FMO4: variants seen among roughly 807,000 people sequenced by gnomAD.
The protein encoded by FMO4 is dimethylaniline monooxygenase [N-oxide-forming] 4.
In FMO4, 38 loss-of-function variants were observed where a neutral mutation model predicts 43.3. The observed-to-expected ratio is 0.88, with a 90% confidence interval of 0.68 to 1.15. The LOEUF (loss-of-function observed/expected upper bound fraction) is 1.15. FMO4 is among the 50% of genes most tolerant of loss of function. The pLI, the probability that FMO4 is intolerant of heterozygous loss-of-function variation, is 0.00. For synonymous variants in FMO4, 224 were observed against 232.2 expected, an observed-to-expected ratio of 0.96 and a Z score of 0.32; for missense variants, 631 against 663.3, an observed-to-expected ratio of 0.95 and a Z score of 0.54.
chr1:171,334,639 C>T lies in FMO4; in HGVS notation c.1056C>T (p.Tyr352=), dbSNP rs751078575. ...KSLCTKKIFL[Y]KQVFPLNLER... ...TCTGTACAAAGAAGATATTTCTATACAAGCAAGTCTTTCCCTTAAACCTAG... is the reference window on the plus strand; with the variant it reads ...TCTGTACAAAGAAGATATTTCTATATAAGCAAGTCTTTCCCTTAAACCTAG... Residue 352 remains tyrosine, a synonymous_variant, in exon 8 of 10, where the codon TAC becomes TAT. Transcript: ENST00000367749. 8 of 1,613,142 alleles carry T rather than the reference C, an allele frequency of 5.0e-6. No individual in the cohort carries two copies. The South Asian group carries it at 7.7e-5, about 16-fold the overall frequency.
In FMO4 at chr1:171,332,690, G is replaced by A; in HGVS notation, c.628-19G>A. 1 of 1,592,580 alleles carries A rather than the reference G, an allele frequency of 6.3e-7. No homozygotes were observed. Among genetic ancestry groups the A allele is most frequent in the Non-Finnish European group, 8.6e-7 (1 of 1,163,102 alleles). On this transcript the variant is annotated intron_variant, in intron 6 of 9. Coordinates refer to ENST00000367749, the MANE Select transcript of FMO4 (RefSeq NM_002022.3). The stretch of plus-strand genomic sequence containing the variant: ...TGATGAACATTTATTTATCCTTCTT[G>A]CCTTACTTTACTTTTTAGGTACTTC...
rs538568056 is a variant in FMO4, at chr1:171,331,640, G to A, written c.485G>A (p.Gly162Glu). ...NPHLPLEAFP[G>E]IHKFKGQILH... The stretch of plus-strand genomic sequence containing the variant: ...CTTTCTGATCCTTCACTCCTCTCAG[G>A]AATTCATAAGTTTAAAGGTCAGATC... The change falls in exon 6 of 10, where the codon GGA becomes GAA. Residue 162 changes from glycine (G) to glutamate (E), a missense_variant and splice_region_variant. Coordinates refer to ENST00000367749, the MANE Select transcript of FMO4 (RefSeq NM_002022.3). 2.2e-5 allele frequency: 36 copies of A among 1,613,584 alleles called. No homozygotes were observed. Among genetic ancestry groups the A allele is most frequent in the South Asian group, 2.2e-4 (20 of 91,022 alleles).
In FMO4 at chr1:171,317,772, G is replaced by A. The variant is rs188050304; in HGVS notation, c.-9+1445G>A. Among the ~76,000 whole-genome samples the A allele has an allele frequency of 1.5e-4, 23 of 152,206 alleles. 1 individual carries two copies. The highest frequency in any genetic ancestry group is 6.8e-3 in the Middle Eastern group (2 of 294). ...GGTCAGTCTTGCCTCTGCAAGCTAA[G>A]AACCTCCCCTCAACCCATGTAATAT... On this transcript the variant is annotated intron_variant, in intron 2 of 9. Transcript: ENST00000367749.
intron 2 of FMO4, 140 bp downstream of exon 2, chr1:171,316,467 CTTT>C (rs1662206992): frequency 6.6e-6 from 1 of 152,278 alleles, no homozygotes; most frequent in South Asian, 2.1e-4. Flanking sequence ...GTGCAAGGCA[CTTT>C]TTTGTGTAAG....
intron 9 of FMO4, among the ~76,000 whole-genome samples, chr1:171,339,082 C>T (rs1397110951): frequency 6.6e-6 from 1 of 152,074 alleles, no homozygotes; most frequent in Non-Finnish European, 1.5e-5. Flanking sequence ...TGAATAATGC[C>T]TTCATATTAA....
At chr1:171,322,940 ATGATC>A in intron 3 of FMO4, 59 bp from the exon 4 acceptor site, 2 of 1,257,494 alleles carry the variant, frequency 1.6e-6, no homozygotes, top group South Asian at 2.5e-5. Flanking sequence ...ATGAGCCACC[ATGATC>A]TCTGTTCTCT....
intron 7 of FMO4, 39 bp downstream of exon 7, chr1:171,332,947 C>T (rs1662964511): frequency 3.4e-6 from 3 of 895,194 alleles, no homozygotes; most frequent in South Asian, 2.9e-5. Flanking sequence ...AATATTAAAT[C>T]AATATTTATC....
intron 7 of FMO4, 74 bp from the exon 8 acceptor site, chr1:171,334,337 T>C: frequency 1.1e-6 from 1 of 908,898 alleles, no homozygotes; most frequent in Non-Finnish European, 1.7e-6. Context: ...TTCCCTGAAT[T>C]GGCTAAGTAA....
chr1:171,316,226 C>T lies in FMO4; in HGVS notation c.-110C>T, dbSNP rs1383766614. 1 of 152,160 alleles carries T rather than the reference C, an allele frequency of 6.6e-6. No homozygotes were observed. The highest frequency in any genetic ancestry group is 6.5e-5 in the Admixed American group (1 of 15,274). 9.4% of individuals were successfully genotyped at this position (152,160 alleles called of 1,614,324 possible). On this transcript the variant is annotated 5_prime_UTR_variant, in exon 2 of 10. Transcript: ENST00000367749. ...AAGATCTGCCAGCCCCAGGCCTCTACCTAGTGGCCTGGAAATTCAAGTATT... is the reference window on the plus strand; with the variant it reads ...AAGATCTGCCAGCCCCAGGCCTCTATCTAGTGGCCTGGAAATTCAAGTATT...
chr1:171,336,717 C>A (rs1462264005), intron 8 of FMO4, among the ~76,000 whole-genome samples: 1 of 152,114 alleles, frequency 6.6e-6, no homozygotes, highest in East Asian at 1.9e-4. Context: ...GATTCTCCCA[C>A]CTCAGCCTCC....
intron 5 of FMO4, among the ~76,000 whole-genome samples, chr1:171,327,741 C>T (rs1385247282): frequency 6.6e-6 from 1 of 151,974 alleles, no homozygotes; most frequent in African/African-American, 2.4e-5. Context: ...ATGGTGAAAC[C>T]CTGTCTCTAC....
chr1:171,329,151 T>G (rs1157849934), intron 5 of FMO4, among the ~76,000 whole-genome samples: 1 of 151,778 alleles, frequency 6.6e-6, no homozygotes, highest in East Asian at 1.9e-4. Context: ...AGAATTGGAG[T>G]TGGGGAAAGG....
At chr1:171,341,183 T>A (rs1663356261) in intron 9 of FMO4, among the ~76,000 whole-genome samples, 1 of 152,166 alleles carries the variant, frequency 6.6e-6, no homozygotes, top group Non-Finnish European at 1.5e-5. Context: ...TCTAGTAAAA[T>A]TAATTGCCTC....
At position 171,336,986 on chromosome 1, in the gene FMO4, C is replaced by CAT. The variant is rs539130163; in HGVS notation, c.1181-370_1181-369insAT. 6.7e-3 allele frequency among the ~76,000 whole-genome samples: 1,010 copies of CAT among 151,190 alleles called. 13 individuals carry two copies. The highest frequency in any genetic ancestry group is 0.022 in the African/African-American group (923 of 41,138). On this transcript the variant is annotated intron_variant, in intron 8 of 9. Transcript: ENST00000367749. ...GCACACACACACACACACACACACA[C>CAT]GTACAATGTGGAGGGTATACATACA...
chr1:171,321,952 G>A (rs1003430325), intron 3 of FMO4, among the ~76,000 whole-genome samples: 1 of 152,208 alleles, frequency 6.6e-6, no homozygotes, highest in African/African-American at 2.4e-5. Flanking sequence ...AGCTAAGAAA[G>A]AGGCTTAAGG....
chr1:171,338,433 C>A (rs1400834929), intron 9 of FMO4, among the ~76,000 whole-genome samples: 1 of 152,180 alleles, frequency 6.6e-6, no homozygotes, highest in Non-Finnish European at 1.5e-5. Context: ...CTCCCTACAG[C>A]CTCTGTGGCC....
At chr1:171,339,130 C>T (rs937120576) in intron 9 of FMO4, among the ~76,000 whole-genome samples, 1 of 152,128 alleles carries the variant, frequency 6.6e-6, no homozygotes, top group African/African-American at 2.4e-5. Flanking sequence ...GTTCAGTCCA[C>T]GTACACCAAG....
intron 9 of FMO4, among the ~76,000 whole-genome samples, chr1:171,340,475 T>A (rs1296275729): frequency 6.6e-6 from 1 of 152,306 alleles, no homozygotes; most frequent in African/African-American, 2.4e-5. Flanking sequence ...TCACTGTCTA[T>A]TGTCATAGGG....
At chr1:171,318,428 A>T (rs1571387272) in intron 2 of FMO4, among the ~76,000 whole-genome samples, 1 of 152,146 alleles carries the variant, frequency 6.6e-6, no homozygotes, top group East Asian at 1.9e-4. Context: ...AGGCAGGAGG[A>T]TCACCTGAGC....
Sources: allele counts gnomAD v4.1 joint callset (sites outside exome capture counted in the v4.1 genomes callset), GRCh38; gene constraint gnomAD v4.1.1; transcripts MANE v1.5; gene names NCBI Gene and HGNC (gene_info 2026-07-23, HGNC 2026-07-21).